The following ATP2B2 variants were observed in gnomAD, a reference collection of about 807,000 sequenced individuals.
ATP2B2 encodes plasma membrane calcium-transporting ATPase 2.
Under a neutral mutation model 120.0 loss-of-function variants are expected in ATP2B2, and 15 were observed. The observed-to-expected ratio is 0.12, with a 90% CI of 0.08 to 0.19. The LOEUF (loss-of-function observed/expected upper bound fraction) is 0.19. Among genes scored for constraint, ATP2B2 ranks in the 10% least tolerant of loss-of-function variants. The pLI is 1.00. For synonymous variants in ATP2B2, 694 were observed against 700.3 expected (o/e 0.99, Z 0.14); for missense variants, 1,045 against 1,719.8 (o/e 0.61, Z 6.94).
intron 2 of ATP2B2, among the ~76,000 whole-genome samples, chr3:10,564,531 C>T (rs139506929): frequency 1.9e-4 from 29 of 150,830 alleles, no homozygotes; most frequent in Non-Finnish European, 2.4e-4. Context: ...CTGTCTAAAA[C>T]GTTCCCTTCC....
intron 1 of ATP2B2, among the ~76,000 whole-genome samples, chr3:10,704,374 AC>A (rs1308662717): frequency 1.3e-5 from 2 of 151,900 alleles, no homozygotes; most frequent in African/African-American, 4.8e-5. Context: ...TCTTCTTTCT[AC>A]CTTTTTCTTC....
In ATP2B2 at chr3:10,338,704, C is replaced by T. The variant is rs1218339963; in HGVS notation, c.3238-346G>A. ...CCAGACAACCCTGGTCCTGTGGCCT[C>T]GGGCAAGTCATTTAACCTCACCGAG... On this transcript the variant is annotated intron_variant, in intron 21 of 22. Coordinates refer to ENST00000360273, the MANE Select transcript of ATP2B2 (RefSeq NM_001001331.4). 3.2e-5 allele frequency: 11 copies of T among 346,416 alleles called. No homozygotes were observed. The East Asian group carries it at 4.7e-4, about 15-fold the overall frequency. The allele number at this position is 346,416 out of a possible 1,614,324, so 21.5% of individuals were successfully genotyped here.
At chr3:10,628,926 GTTTGTTTGTT>G (rs1045755324) in intron 1 of ATP2B2, among the ~76,000 whole-genome samples, 3 of 152,140 alleles carry the variant, frequency 2.0e-5, no homozygotes, top group Non-Finnish European at 2.9e-5. Context: ...TTTAAGTATT[GTTTGTTTGTT>G]TTTGTTTGTT....
chr3:10,430,356 G>T (rs1456329153), intron 2 of ATP2B2, among the ~76,000 whole-genome samples: 1 of 152,186 alleles, frequency 6.6e-6, no homozygotes, highest in Non-Finnish European at 1.5e-5. Context: ...CACTCCAGAT[G>T]CCATTAAGAA....
At chr3:10,556,642 G>A (rs2067786012) in intron 2 of ATP2B2, among the ~76,000 whole-genome samples, 1 of 152,238 alleles carries the variant, frequency 6.6e-6, no homozygotes, top group African/African-American at 2.4e-5. Flanking sequence ...AAGGTGGGGT[G>A]TGCCTGGCGT....
intron 1 of ATP2B2, among the ~76,000 whole-genome samples, chr3:10,466,107 A>G (rs983013181): frequency 6.6e-6 from 1 of 152,178 alleles, no homozygotes; most frequent in East Asian, 1.9e-4. Flanking sequence ...TTGTGTTTGC[A>G]TGCCCCCCTT....
At chr3:10,487,648 A>G (rs999307691) in intron 1 of ATP2B2, among the ~76,000 whole-genome samples, 4 of 152,350 alleles carry the variant, frequency 2.6e-5, no homozygotes, top group African/African-American at 9.6e-5. Flanking sequence ...TAAGTACTCA[A>G]TGAAAACTTG....
intron 1 of ATP2B2, among the ~76,000 whole-genome samples, chr3:10,681,845 G>A (rs1318667246): frequency 2.0e-5 from 3 of 152,140 alleles, no homozygotes; most frequent in Non-Finnish European, 4.4e-5. Flanking sequence ...CCTGCAAACT[G>A]AACTACTCTG....
intron 2 of ATP2B2, among the ~76,000 whole-genome samples, chr3:10,435,588 C>T (rs558344986): frequency 6.6e-6 from 1 of 152,310 alleles, no homozygotes; most frequent in African/African-American, 2.4e-5. Context: ...TAAGATACTT[C>T]TCAACTTGGG....
intron 2 of ATP2B2, among the ~76,000 whole-genome samples, chr3:10,439,244 T>C (rs2063575009): frequency 6.6e-6 from 1 of 152,204 alleles, no homozygotes; most frequent in Non-Finnish European, 1.5e-5. Context: ...TAGTAGAATG[T>C]CTGAGCCTGG....
intron 1 of ATP2B2, among the ~76,000 whole-genome samples, chr3:10,495,286 T>C (rs892013439): frequency 6.6e-6 from 1 of 152,202 alleles, no homozygotes; most frequent in Non-Finnish European, 1.5e-5. Flanking sequence ...GACAGGGTGC[T>C]GGGCTTTGGA....
rs529210961 is a variant in ATP2B2 at position 10,449,595 on chromosome 3, A to G, written c.-52T>C. 8.1e-6 allele frequency: 13 copies of G among 1,607,558 alleles called. No individual in the cohort carries two copies. In the East Asian group the frequency reaches 2.9e-4, roughly 36 times the overall value. Reference sequence around the variant, plus strand: ...GGCCCAAGGGTCAGCGCTGGACAAGAGGCTGCCGGGTGATGGCTGCTTGTG... The same window carrying G: ...GGCCCAAGGGTCAGCGCTGGACAAGGGGCTGCCGGGTGATGGCTGCTTGTG... On this transcript the variant is annotated 5_prime_UTR_variant, in exon 2 of 23. Coordinates refer to ENST00000360273, the MANE Select transcript of ATP2B2 (RefSeq NM_001001331.4).
intron 1 of ATP2B2, among the ~76,000 whole-genome samples, chr3:10,502,723 G>A (rs578188847): frequency 6.6e-6 from 1 of 152,338 alleles, no homozygotes; most frequent in East Asian, 1.9e-4. Context: ...CCTGGGGAAG[G>A]CTCCTCCGCC....
At position 10,347,520 on chromosome 3, in the gene ATP2B2, C is replaced by T. The variant is rs193078748; in HGVS notation, c.2405-1383G>A. Among the ~76,000 whole-genome samples, 29 of 152,338 alleles carry T rather than the reference C, an allele frequency of 1.9e-4. No homozygotes were observed. The East Asian group carries it at 5.6e-3, about 29-fold the overall frequency. On this transcript the variant is annotated intron_variant, in intron 16 of 22. Transcript: ENST00000360273. This position sits in a 1 kb window ranked among gnomAD's most constrained non-coding sequence, Gnocchi z 5.2. ...CCAACCTGCTCCCTTGCAGCTCTAC[C>T]CTCTTTCAGGCCCAGCTGCAGTGCC...
intron 1 of ATP2B2, among the ~76,000 whole-genome samples, chr3:10,663,077 C>T (rs1261134521): frequency 8.2e-6 from 1 of 121,892 alleles, no homozygotes; most frequent in South Asian, 2.7e-4. Context: ...GAACATCACA[C>T]ACCGGGGCCT....
intron 1 of ATP2B2, among the ~76,000 whole-genome samples, chr3:10,487,152 AAAT>A (rs1444517347): frequency 6.6e-6 from 1 of 152,204 alleles, no homozygotes; most frequent in Non-Finnish European, 1.5e-5. Context: ...CTACAGGAAC[AAAT>A]AATATGTACT....
At chr3:10,366,899 T>C (rs1468857960) in intron 12 of ATP2B2, among the ~76,000 whole-genome samples, 1 of 152,198 alleles carries the variant, frequency 6.6e-6, no homozygotes, top group Non-Finnish European at 1.5e-5. Context: ...TTCACACAGC[T>C]TCCCTCAGAG....
At chr3:10,679,043 C>T (rs1413438081) in intron 1 of ATP2B2, among the ~76,000 whole-genome samples, 1 of 152,150 alleles carries the variant, frequency 6.6e-6, no homozygotes. Flanking sequence ...CTCTCTCCTG[C>T]TGGCCTTAGA....
At chr3:10,450,667 C>T (rs1204001304) in intron 1 of ATP2B2, among the ~76,000 whole-genome samples, 1 of 148,920 alleles carries the variant, frequency 6.7e-6, no homozygotes, top group Non-Finnish European at 1.5e-5. Context: ...GAGCCCTCAC[C>T]TGGCAGGGGG....
Sources: gnomAD v4.1 joint callset for allele counts (sites outside exome capture counted in the v4.1 genomes callset) on GRCh38, gnomAD v4.1.1 for gene constraint, Gnocchi (gnomAD v3.1) non-coding constraint, MANE v1.5 for transcripts, NCBI Gene and HGNC (gene_info 2026-07-23, HGNC 2026-07-21) for gene names.